The following CGAS variants were observed in gnomAD, a reference collection of about 807,000 sequenced individuals.
The protein encoded by CGAS is cyclic GMP-AMP synthase.
Under a neutral mutation model 34.0 loss-of-function variants are expected in CGAS, and 31 were observed. The ratio of observed to expected loss-of-function variants is 0.91; its 90% CI spans 0.69 to 1.23. CGAS has a LOEUF of 1.23. Among genes scored for constraint, CGAS ranks in the 50% most tolerant of loss-of-function variants. CGAS has a pLI of 0.00. For synonymous variants in CGAS, 266 were observed against 260.0 expected (o/e 1.02, Z -0.22); for missense variants, 597 against 657.6 (o/e 0.91, Z 1.01).
rs765415706 is a variant in CGAS, at chr6:73,452,221, A to G, written c.-40T>C. 3 of 1,559,568 alleles carry G rather than the reference A, an allele frequency of 1.9e-6. No homozygotes were observed. The South Asian group carries it at 3.5e-5, about 18-fold the overall frequency. ...GTTCCCCGAAAGAAGAATCCGTTTC[A>G]GGAAAAGGCCGCAAGAGGAAGAGCC... On this transcript the variant is annotated 5_prime_UTR_variant, in exon 1 of 5. Transcript: ENST00000370315.
chr6:73,441,082 C>CTTTTTTTTTTTTTTTTTTT, intron 2 of CGAS, among the ~76,000 whole-genome samples: 1 of 136,254 alleles, frequency 7.3e-6, no homozygotes, highest in Non-Finnish European at 1.6e-5. Context: ...TTTTCTTTTT[C>CTTTTTTTTTTTTTTTTTTT]TTTTTTTTTT....
chr6:73,429,397 G>GTTAAATAT (rs1471187887), intron 3 of CGAS, among the ~76,000 whole-genome samples: 1 of 151,768 alleles, frequency 6.6e-6, no homozygotes, highest in East Asian at 1.9e-4. Flanking sequence ...AATTCCCTTT[G>GTTAAATAT]TTAAATATTT....
chr6:73,444,918 T>A (rs1458352994), intron 2 of CGAS, among the ~76,000 whole-genome samples: 2 of 152,058 alleles, frequency 1.3e-5, no homozygotes, highest in Non-Finnish European at 2.9e-5. Flanking sequence ...GGATGGTGCG[T>A]CTGGGTGGAT....
chr6:73,444,435 A>G (rs953111276), intron 2 of CGAS, among the ~76,000 whole-genome samples: 1 of 151,764 alleles, frequency 6.6e-6, no homozygotes, highest in Non-Finnish European at 1.5e-5. Context: ...CAGCCTCCCA[A>G]GTAGCTGGGA....
At chr6:73,438,694 C>CAAAA (rs67479262) in intron 3 of CGAS, among the ~76,000 whole-genome samples, 3 of 116,824 alleles carry the variant, frequency 2.6e-5, no homozygotes, top group Admixed American at 9.5e-5. Flanking sequence ...GAATCCGTCT[C>CAAAA]AAAAAAAAAA....
chr6:73,452,098 C>T lies in CGAS; in HGVS notation c.84G>A (p.Arg28=). 1 of 1,590,470 alleles carries T rather than the reference C, an allele frequency of 6.3e-7. No individual in the cohort carries two copies. The highest frequency in any genetic ancestry group is 8.6e-7 in the Non-Finnish European group (1 of 1,169,126). Reference sequence around the variant, plus strand: ...ACTCGGTGGGATCCATCGGGGCGCCCCTGGCATTCCGTGCGGAAGCCTTGG... The same window carrying T: ...ACTCGGTGGGATCCATCGGGGCGCCTCTGGCATTCCGTGCGGAAGCCTTGG... ...TAPKASARNA[R]GAPMDPTESP... is the part of the protein sequence containing the mutation. Residue 28 remains arginine, a synonymous_variant, in exon 1 of 5, where the codon AGG becomes AGA. Transcript: ENST00000370315.
At chr6:73,450,116 G>A (rs1770538408) in intron 1 of CGAS, among the ~76,000 whole-genome samples, 1 of 148,400 alleles carries the variant, frequency 6.7e-6, no homozygotes, top group South Asian at 2.2e-4. Context: ...GAAGAGAAGA[G>A]AAAAAAGAAG....
intron 1 of CGAS, among the ~76,000 whole-genome samples, chr6:73,450,461 A>G (rs1038065327): frequency 1.3e-5 from 2 of 151,888 alleles, no homozygotes; most frequent in African/African-American, 2.4e-5. Flanking sequence ...AAAGAAACAA[A>G]TCTCTTGCTG....
intron 3 of CGAS, among the ~76,000 whole-genome samples, chr6:73,434,764 G>A (rs1003288920): frequency 6.6e-6 from 1 of 151,752 alleles, no homozygotes; most frequent in African/African-American, 2.4e-5. Context: ...CTCCTGTCTC[G>A]GCCTCCTGAG....
At chr6:73,440,171 CT>C in intron 3 of CGAS, 37 bp downstream of exon 3, 1 of 1,558,146 alleles carries the variant, frequency 6.4e-7, no homozygotes, top group Non-Finnish European at 8.8e-7. Flanking sequence ...ATTAACAACT[CT>C]TTTACTTCTT....
chr6:73,429,141 G>A (rs1438292221), intron 3 of CGAS, among the ~76,000 whole-genome samples: 1 of 149,808 alleles, frequency 6.7e-6, no homozygotes, highest in Non-Finnish European at 1.5e-5. Flanking sequence ...AGTGAGCCGA[G>A]ATTGCACCAT....
chr6:73,440,105 T>C lies in CGAS; in HGVS notation c.1114+104A>G, dbSNP rs565884947. The C allele has an allele frequency of 7.3e-6, 8 of 1,102,796 alleles. No homozygotes were observed. In the African/African-American group the frequency reaches 1.3e-4, roughly 17 times the overall value. 68.3% of individuals were successfully genotyped at this position (1,102,796 alleles called of 1,614,324 possible). On this transcript the variant is annotated intron_variant, in intron 3 of 4. Transcript: ENST00000370315. ...TATAACCTATTTTGCCTGATGGCTC[T>C]TGAAATGACAACAGCATTGGTTGGC...
intron 2 of CGAS, among the ~76,000 whole-genome samples, chr6:73,441,487 G>A (rs1770380203): frequency 1.3e-5 from 2 of 152,212 alleles, no homozygotes; most frequent in Non-Finnish European, 2.9e-5. Flanking sequence ...GATGTGAGGA[G>A]GAAAGTAGGA....
rs180772543 is a variant in CGAS, at chr6:73,446,786, G to A, written c.658-1039C>T. ...AAAAATCGTCCTTTCAGCCAGGCGC[G>A]GTGGCTCACGCTTGTAATCCCAGTA... On this transcript the variant is annotated intron_variant, in intron 1 of 4. Transcript: ENST00000370315. Among the ~76,000 whole-genome samples the A allele has an allele frequency of 1.6e-3, 235 of 145,202 alleles. 12 individuals are homozygous for A. Among genetic ancestry groups the A allele is most frequent in the African/African-American group, 5.9e-3 (222 of 37,726 alleles).
chr6:73,440,162 T>C, intron 3 of CGAS, 47 bp downstream of exon 3: 1 of 1,527,686 alleles, frequency 6.5e-7, no homozygotes, highest in Non-Finnish European at 8.9e-7. Context: ...ACATATAACA[T>C]TAACAACTCT....
intron 1 of CGAS, among the ~76,000 whole-genome samples, chr6:73,450,724 C>G (rs9359033): frequency 0.56 from 84,475 of 151,798 alleles, 23,865 homozygotes; most frequent in South Asian, 0.63. Flanking sequence ...CGCGGTAGCT[C>G]ACGCCTGTAA....
intron 1 of CGAS, among the ~76,000 whole-genome samples, chr6:73,448,403 A>G (rs1770504081): frequency 6.6e-6 from 1 of 152,200 alleles, no homozygotes; most frequent in African/African-American, 2.4e-5. Context: ...GTCTCAAAAC[A>G]AAACAAAACA....
intron 4 of CGAS, among the ~76,000 whole-genome samples, chr6:73,426,366 TA>T (rs1337484965): frequency 1.3e-5 from 2 of 151,536 alleles, no homozygotes; most frequent in Non-Finnish European, 2.9e-5. Context: ...TAAAATAAAA[TA>T]AAATAAATAC....
chr6:73,443,396 G>A (rs569416708), intron 2 of CGAS, among the ~76,000 whole-genome samples: 14 of 151,848 alleles, frequency 9.2e-5, no homozygotes, highest in African/African-American at 3.1e-4. Context: ...CCGCCACCAC[G>A]CCCGGCTAGT....
Sources: allele counts gnomAD v4.1 joint callset (sites outside exome capture counted in the v4.1 genomes callset), GRCh38; gene constraint gnomAD v4.1.1; transcripts MANE v1.5; gene names NCBI Gene and HGNC (gene_info 2026-07-23, HGNC 2026-07-21).